DACH1: variants seen among roughly 807,000 people sequenced by gnomAD.
DACH1 encodes dachshund family transcription factor 1.
A neutral mutation model predicts 54.2 loss-of-function variants in DACH1; 12 were observed. The observed-to-expected ratio is 0.22, with a 90% CI of 0.14 to 0.36. DACH1 has a LOEUF of 0.36. Among genes scored for constraint, DACH1 ranks in the 10% least tolerant of loss-of-function variants. DACH1 has a pLI of 1.00. For missense variants in DACH1, 805 were observed against 929.8 expected, an observed-to-expected ratio of 0.87 and a Z score of 1.75; for synonymous variants, 386 against 366.2, an observed-to-expected ratio of 1.05 and a Z score of -0.62.
At chr13:71,673,913 T>A (rs1328406629) in intron 2 of DACH1, among the ~76,000 whole-genome samples, 1 of 152,190 alleles carries the variant, frequency 6.6e-6, no homozygotes, top group Non-Finnish European at 1.5e-5. Flanking sequence ...ATGCCTTCCA[T>A]ACACTTAGTA....
intron 1 of DACH1, among the ~76,000 whole-genome samples, chr13:71,842,218 G>A (rs1466493666): frequency 6.6e-6 from 1 of 152,292 alleles, no homozygotes; most frequent in East Asian, 1.9e-4. Flanking sequence ...TCCAATTAGT[G>A]CTTGGCATAA....
intron 1 of DACH1, among the ~76,000 whole-genome samples, chr13:71,820,901 C>T (rs1270676074): frequency 6.6e-6 from 1 of 152,098 alleles, no homozygotes; most frequent in Non-Finnish European, 1.5e-5. Flanking sequence ...CTTCTTATGA[C>T]CTCATCACAC....
At chr13:71,767,656 A>T (rs9572785) in intron 1 of DACH1, among the ~76,000 whole-genome samples, 65,473 of 151,792 alleles carry the variant, frequency 0.43, 14,938 homozygotes, top group East Asian at 0.86. Flanking sequence ...AAAGCTCTTT[A>T]TAGCAAAAAG....
intron 6 of DACH1, among the ~76,000 whole-genome samples, chr13:71,534,333 T>A (rs1171613423): frequency 1.3e-5 from 2 of 151,918 alleles, no homozygotes; most frequent in African/African-American, 4.8e-5. Context: ...AGGACAAAAA[T>A]ATTTAAAAAA....
At chr13:71,550,422 T>C (rs907633048) in intron 6 of DACH1, among the ~76,000 whole-genome samples, 2 of 152,064 alleles carry the variant, frequency 1.3e-5, no homozygotes, top group African/African-American at 2.4e-5. Flanking sequence ...ATATCCCATG[T>C]AAGGAAAGAA....
At chr13:71,550,306 T>C (rs1883726062) in intron 6 of DACH1, among the ~76,000 whole-genome samples, 2 of 152,148 alleles carry the variant, frequency 1.3e-5, no homozygotes, top group South Asian at 4.1e-4. Flanking sequence ...AACTTTATTG[T>C]ACCCACTAAT....
At chr13:71,758,036 C>G (rs1283370117) in intron 1 of DACH1, among the ~76,000 whole-genome samples, 1 of 151,886 alleles carries the variant, frequency 6.6e-6, no homozygotes, top group Non-Finnish European at 1.5e-5. Context: ...GTATTCAGAA[C>G]CAATATGATA....
At chr13:71,755,457 A>G (rs1210592012) in intron 1 of DACH1, among the ~76,000 whole-genome samples, 1 of 152,110 alleles carries the variant, frequency 6.6e-6, no homozygotes, top group African/African-American at 2.4e-5. Context: ...AGCTAGTTAA[A>G]TCTCTTCTTT....
intron 2 of DACH1, among the ~76,000 whole-genome samples, chr13:71,646,799 T>C (rs1878303502): frequency 6.6e-6 from 1 of 152,232 alleles, no homozygotes. Context: ...TGTGGAATTA[T>C]TTATAAGTCT....
chr13:71,547,591 A>C (rs1256076915), intron 6 of DACH1, among the ~76,000 whole-genome samples: 1 of 152,158 alleles, frequency 6.6e-6, no homozygotes, highest in African/African-American at 2.4e-5. Context: ...CCTCTCTAGG[A>C]ATAATTTGTC....
At chr13:71,631,912 A>C (rs1181341375) in intron 2 of DACH1, among the ~76,000 whole-genome samples, 1 of 152,120 alleles carries the variant, frequency 6.6e-6, no homozygotes, top group African/African-American at 2.4e-5. Context: ...AAGCCTGGGC[A>C]ACAGGATAAA....
At chr13:71,599,942 C>A (rs1874379976) in intron 3 of DACH1, among the ~76,000 whole-genome samples, 1 of 151,620 alleles carries the variant, frequency 6.6e-6, no homozygotes, top group South Asian at 2.1e-4. Context: ...TATGAGAAAG[C>A]AGAATAAATG....
At chr13:71,515,331 T>C (rs1290988510) in intron 6 of DACH1, among the ~76,000 whole-genome samples, 1 of 151,968 alleles carries the variant, frequency 6.6e-6, no homozygotes, top group Non-Finnish European at 1.5e-5. Context: ...CTTGTATATA[T>C]AGAAACATAT....
At position 71,438,277 on chromosome 13, in the gene DACH1, A is replaced by T. The variant is rs940154610; in HGVS notation, c.*2378T>A. ...TGCATAGAGCGCAAATGTGGTTATA[A>T]TATAGAACAACTAGACATTAATATT... On this transcript the variant is annotated 3_prime_UTR_variant, in exon 11 of 11. Transcript: ENST00000613252. The T allele has an allele frequency of 2.0e-5, 3 of 152,384 alleles. No homozygotes were observed. Among genetic ancestry groups the T allele is most frequent in the Non-Finnish European group, 4.4e-5 (3 of 67,848 alleles). The allele number at this position is 152,384 out of a possible 1,614,324, so 9.4% of individuals were successfully genotyped here.
At chr13:71,834,915 A>G (rs1888723822) in intron 1 of DACH1, among the ~76,000 whole-genome samples, 1 of 151,972 alleles carries the variant, frequency 6.6e-6, no homozygotes, top group Non-Finnish European at 1.5e-5. Context: ...TGCTTTTTCT[A>G]CTTCTCCCTT....
intron 1 of DACH1, among the ~76,000 whole-genome samples, chr13:71,841,918 A>T (rs1872880264): frequency 6.6e-6 from 1 of 152,346 alleles, no homozygotes; most frequent in East Asian, 1.9e-4. Flanking sequence ...TTCATAATTC[A>T]TAATTTTCAT....
chr13:71,731,293 T>C (rs545531511), intron 1 of DACH1, among the ~76,000 whole-genome samples: 300 of 146,470 alleles, frequency 2.0e-3, no homozygotes, highest in African/African-American at 7.0e-3. Context: ...TGATCTTCTT[T>C]TTTTTTTTTT....
In DACH1 at chr13:71,583,073, C is replaced by A. The variant is rs150313408; in HGVS notation, c.1127-10061G>T. ...GGATTTATTTTCTCAAAATATCAAT[C>A]TTCATAGGCAAATATAAAGTAAAAT... On this transcript the variant is annotated intron_variant, in intron 3 of 10. Transcript: ENST00000613252. 7.9e-5 allele frequency among the ~76,000 whole-genome samples: 12 copies of A among 152,202 alleles called. No homozygotes were observed. The East Asian group carries it at 1.9e-3, about 24-fold the overall frequency.
intron 1 of DACH1, among the ~76,000 whole-genome samples, chr13:71,780,983 T>C (rs1419177423): frequency 1.3e-5 from 2 of 151,928 alleles, no homozygotes; most frequent in African/African-American, 4.8e-5. Context: ...AAAATAAAAA[T>C]AAATTAGCTG....
Sources: gnomAD v4.1 joint callset for allele counts (sites outside exome capture counted in the v4.1 genomes callset) on GRCh38, gnomAD v4.1.1 for gene constraint, MANE v1.5 for transcripts, NCBI Gene and HGNC (gene_info 2026-07-23, HGNC 2026-07-21) for gene names.